The following CA11 variants were observed in gnomAD, a reference collection of about 807,000 sequenced individuals.
CA11 encodes carbonic anhydrase-related protein 11.
Under a neutral mutation model 39.3 loss-of-function variants are expected in CA11, and 20 were observed. The observed-to-expected ratio is 0.51, with a 90% CI of 0.36 to 0.74. The LOEUF is 0.74. Ranked by LOEUF, CA11 falls within the 30% of genes least tolerant of loss-of-function variation. The pLI, the probability that CA11 is intolerant of heterozygous loss-of-function variation, is 0.00. For synonymous variants in CA11, 166 were observed against 172.5 expected (o/e 0.96, Z 0.29); for missense variants, 336 against 424.6 (o/e 0.79, Z 1.83).
rs761868132 is a variant in CA11, at chr19:48,639,442, G to C, written c.658C>G (p.Gln220Glu). 2 of 1,613,828 alleles carry C rather than the reference G, an allele frequency of 1.2e-6. No individual in the cohort carries two copies. Among genetic ancestry groups the C allele is most frequent in the East Asian group, 2.2e-5 (1 of 44,894 alleles). The change falls in exon 7 of 9, where the codon CAA becomes GAA. Residue 220 changes from glutamine to glutamate, a missense_variant. By Grantham distance (29) the Gln-to-Glu change is conservative. Transcript: ENST00000084798. ...ISYKNDAYFL[Q>E]DLSLELLFPE... ...AACAGGAGCTCCAGGCTCAGGTCTT[G>C]AAGAAAGTAGGCATCATCTGCGGGA...
At chr19:48,640,325 T>C (rs2031029908) in intron 3 of CA11, 45 bp from the exon 4 acceptor site, 2 of 1,465,980 alleles carry the variant, frequency 1.4e-6, no homozygotes, top group African/African-American at 2.8e-5. Flanking sequence ...AGAGATCTTT[T>C]ATCTCTCGTT....
At position 48,645,599 on chromosome 19, in the gene CA11, C is replaced by A; in HGVS notation, c.34G>T (p.Ala12Ser). ...GAAARLSAPR[A>S]LVLWAALGAA... ...CCCAGTGCAGCCCAGAGTACCAGCG[C>A]TCGAGGGGCGCTCAGACGAGCTGCA... Residue 12 changes from alanine to serine, a missense_variant, in exon 1 of 9, where the codon GCG becomes TCG. Coordinates refer to ENST00000084798, the MANE Select transcript of CA11 (RefSeq NM_001217.5). The A allele has an allele frequency of 6.2e-7, 1 of 1,603,994 alleles. No homozygotes were observed. The highest frequency in any genetic ancestry group is 1.7e-5 in the Admixed American group (1 of 58,782).
Position 48,645,823 on chromosome 19 carries a change from C to T in CA11, c.-191G>A. On this transcript the variant is annotated 5_prime_UTR_variant, in exon 1 of 9. Coordinates refer to ENST00000084798, the MANE Select transcript of CA11 (RefSeq NM_001217.5). ...CGCCCTTCAAACCCACTCTTCTTCT[C>T]TCTCCCGTCTCTCTGTGTCTTTCCT... 1.8e-6 allele frequency: 1 copy of T among 545,078 alleles called. No individual in the cohort carries two copies. Among genetic ancestry groups the T allele is most frequent in the South Asian group, 2.5e-5 (1 of 40,636 alleles). 33.8% of individuals were successfully genotyped at this position (545,078 alleles called of 1,614,324 possible).
Position 48,645,456 on chromosome 19 carries a change from T to C in CA11, c.89A>G (p.Asp30Gly). 1 of 1,602,756 alleles carries C rather than the reference T, an allele frequency of 6.2e-7. No individual in the cohort carries two copies. The highest frequency in any genetic ancestry group is 1.1e-5 in the South Asian group (1 of 89,324). Residue 30 changes from aspartate (D) to glycine (G), a missense_variant, in exon 2 of 9, where the codon GAC (aspartate) becomes GGC (glycine). Physicochemically the swap from Asp to Gly is moderately conservative, Grantham distance 94. Coordinates refer to ENST00000084798, the MANE Select transcript of CA11 (RefSeq NM_001217.5). ...CTTGTAGCTCCACCAGTCCTCGGGG[T>C]CAGGTGCTGGTCCGATGTGAGCTGG... is the stretch of plus-strand genomic sequence containing the variant. ...GAAAHIGPAP[D>G]PEDWWSYKDN...
At position 48,644,575 on chromosome 19, in the gene CA11, G is replaced by A. The variant is rs1481781339; in HGVS notation, c.143-6C>T. On this transcript the variant is annotated splice_region_variant and splice_polypyrimidine_tract_variant and intron_variant, in intron 2 of 8. Coordinates refer to ENST00000084798, the MANE Select transcript of CA11 (RefSeq NM_001217.5). ...CAGGCCCCAGAAAGGAGGCCCTGGGGGTGGGGTCGGAGTAGGAGGACAAGG... is the reference window on the plus strand; with the variant it reads ...CAGGCCCCAGAAAGGAGGCCCTGGGAGTGGGGTCGGAGTAGGAGGACAAGG... 1 of 1,575,972 alleles carries A rather than the reference G, an allele frequency of 6.3e-7. No individual in the cohort carries two copies. Among genetic ancestry groups the A allele is most frequent in the Middle Eastern group, 1.8e-4 (1 of 5,580 alleles).
intron 2 of CA11, 151 bp downstream of exon 2, chr19:48,645,252 G>A: frequency 1.5e-6 from 1 of 653,542 alleles, no homozygotes; most frequent in Non-Finnish European, 2.7e-6. Flanking sequence ...AGCCCCTGGG[G>A]TTCAGAAGCT....
At chr19:48,642,614 G>C (rs1601190590) in intron 3 of CA11, among the ~76,000 whole-genome samples, 1 of 82,266 alleles carries the variant, frequency 1.2e-5, no homozygotes. Flanking sequence ...ATCCTAATAG[G>C]AGGATTTTGA....
chr19:48,638,112 G>T lies in CA11; in HGVS notation c.*7C>A. 6.9e-7 allele frequency: 1 copy of T among 1,439,698 alleles called. No individual in the cohort carries two copies. 89.2% of individuals were successfully genotyped at this position (1,439,698 alleles called of 1,614,324 possible). ...GGACGGGCGGGTGCAATCCTCGAAG[G>T]GGAGTCTCAGCGACCATGGGGGACA... is the stretch of plus-strand genomic sequence containing the variant. On this transcript the variant is annotated 3_prime_UTR_variant, in exon 9 of 9. Coordinates refer to ENST00000084798, the MANE Select transcript of CA11 (RefSeq NM_001217.5).
At position 48,639,893 on chromosome 19, in the gene CA11, G is replaced by A; in HGVS notation, c.472-10C>T. 6.2e-7 allele frequency: 1 copy of A among 1,611,680 alleles called. No homozygotes were observed. Among genetic ancestry groups the A allele is most frequent in the Non-Finnish European group, 8.5e-7 (1 of 1,177,900 alleles). ...AGTGAATGAGCTGCACCTGGGGGTA[G>A]CACAGAGCATGGGGTCCCCCAGCAG... On this transcript the variant is annotated splice_polypyrimidine_tract_variant and intron_variant, in intron 4 of 8. Coordinates refer to ENST00000084798, the MANE Select transcript of CA11 (RefSeq NM_001217.5).
In CA11 at chr19:48,644,473, T is replaced by C; in HGVS notation, c.239A>G (p.Tyr80Cys). The stretch of plus-strand genomic sequence containing the variant: ...CCTTAATGGGGGCAGAAAGGGGTCA[T>C]AAAGAACCCTCTTCAGCTCCACATC... The part of the protein sequence containing the change: ...PVDVELKRVL[Y>C]DPFLPPLRLS... The change falls in exon 3 of 9, where the codon TAT becomes TGT. Residue 80 changes from tyrosine to cysteine, a missense_variant. Transcript: ENST00000084798. 1.9e-6 allele frequency: 3 copies of C among 1,611,428 alleles called. No homozygotes were observed. Among genetic ancestry groups the C allele is most frequent in the Non-Finnish European group, 2.5e-6 (3 of 1,178,228 alleles).
chr19:48,644,299 C>G, intron 3 of CA11, 128 bp downstream of exon 3: 1 of 765,768 alleles, frequency 1.3e-6, no homozygotes, highest in Non-Finnish European at 2.0e-6. Context: ...TGTAAGCAGC[C>G]TCCTCTCCAC....
chr19:48,641,103 C>G (rs1455043342), intron 3 of CA11, among the ~76,000 whole-genome samples: 3 of 151,998 alleles, frequency 2.0e-5, no homozygotes, highest in Non-Finnish European at 2.9e-5. Flanking sequence ...CCTCAGGCTC[C>G]CGAGTAGCTG....
At position 48,644,494 on chromosome 19, in the gene CA11, A is replaced by G. The variant is rs1485533952; in HGVS notation, c.218T>C (p.Val73Ala). The G allele has an allele frequency of 1.2e-6, 2 of 1,612,148 alleles. No individual in the cohort carries two copies. ...AVGKRQSPVD[V>A]ELKRVLYDPF... Reference sequence around the variant, plus strand: ...GTCATAAAGAACCCTCTTCAGCTCCACATCCACGGGGCTCTGCCGCTTCCC... The same window carrying G: ...GTCATAAAGAACCCTCTTCAGCTCCGCATCCACGGGGCTCTGCCGCTTCCC... Residue 73 changes from valine to alanine, a missense_variant, in exon 3 of 9, where the codon GTG becomes GCG. Transcript: ENST00000084798.
chr19:48,640,150 G>T lies in CA11; in HGVS notation c.416C>A (p.Ala139Asp). The change falls in exon 4 of 9, where the codon GCT becomes GAT. Residue 139 changes from alanine (A) to aspartate (D), a missense_variant. Physicochemically the swap from Ala to Asp is moderately radical, Grantham distance 126. Coordinates refer to ENST00000084798, the MANE Select transcript of CA11 (RefSeq NM_001217.5). ...RLSELRLLFG[A>D]RDGAGSEHQI... ...ATGTTCCGAGCCGGCTCCGTCGCGA[G>T]CTCCAAACAGCAGCCGCAGTTCACT... The T allele has an allele frequency of 6.2e-7, 1 of 1,614,064 alleles. No individual in the cohort carries two copies. The highest frequency in any genetic ancestry group is 8.5e-7 in the Non-Finnish European group (1 of 1,180,002).
intron 3 of CA11, among the ~76,000 whole-genome samples, chr19:48,641,932 C>T (rs896187274): frequency 7.0e-6 from 1 of 143,640 alleles, no homozygotes; most frequent in Non-Finnish European, 1.5e-5. Context: ...CTGAAAAATA[C>T]TGGAATTACA....
chr19:48,638,740 A>G, intron 8 of CA11, 148 bp downstream of exon 8: 1 of 869,896 alleles, frequency 1.1e-6, no homozygotes. Context: ...ATAGACATGT[A>G]GGGAAAGAGA....
In CA11 at chr19:48,645,840, G is replaced by C; in HGVS notation, c.-208C>G. On this transcript the variant is annotated 5_prime_UTR_variant, in exon 1 of 9. Coordinates refer to ENST00000084798, the MANE Select transcript of CA11 (RefSeq NM_001217.5). ...CTTCTTCTCTCTCCCGTCTCTCTGTGTCTTTCCTCTTTCCTCTGCTCTTTT... is the reference window on the plus strand; with the variant it reads ...CTTCTTCTCTCTCCCGTCTCTCTGTCTCTTTCCTCTTTCCTCTGCTCTTTT... 7.5e-6 allele frequency: 4 copies of C among 535,970 alleles called. No homozygotes were observed. Among genetic ancestry groups the C allele is most frequent in the Non-Finnish European group, 1.3e-5 (4 of 306,498 alleles). The allele number at this position is 535,970 out of a possible 1,614,324, so 33.2% of individuals were successfully genotyped here. A position where few individuals can be genotyped will look rare whatever the true frequency, so the allele number is the denominator to read the frequency against.
In CA11 at chr19:48,639,541, G is replaced by A. The variant is rs2030997314; in HGVS notation, c.640+8C>T. 6.2e-7 allele frequency: 1 copy of A among 1,613,998 alleles called. No individual in the cohort carries two copies. The highest frequency in any genetic ancestry group is 1.3e-5 in the African/African-American group (1 of 74,976). On this transcript the variant is annotated splice_region_variant and intron_variant, in intron 6 of 8. Coordinates refer to ENST00000084798, the MANE Select transcript of CA11 (RefSeq NM_001217.5). ...GTGACCACTGCCCCCAGCACGCCAG[G>A]GACTTACTCTTGTAGGAGATGCGAG...
chr19:48,644,541 T>G lies in CA11; in HGVS notation c.171A>C (p.Ala57=), dbSNP rs2147723009. The change falls in exon 3 of 9, where the codon GCA becomes GCC. Residue 57 remains alanine, a synonymous_variant. Coordinates refer to ENST00000084798, the MANE Select transcript of CA11 (RefSeq NM_001217.5). ...PGPPFWGLVN[A]AWSLCAVGKR... The stretch of plus-strand genomic sequence containing the variant: ...TCCCCACAGCACACAGACTCCACGC[T>G]GCATTCACCAGGCCCCAGAAAGGAG... The G allele has an allele frequency of 6.2e-7, 1 of 1,604,394 alleles. No individual in the cohort carries two copies. Among genetic ancestry groups the G allele is most frequent in the East Asian group, 2.2e-5 (1 of 44,694 alleles).
Sources: allele counts gnomAD v4.1 joint callset (sites outside exome capture counted in the v4.1 genomes callset), GRCh38; gene constraint gnomAD v4.1.1; transcripts MANE v1.5; gene names NCBI Gene and HGNC (gene_info 2026-07-23, HGNC 2026-07-21).